The following RFC2 variants were observed in gnomAD, a reference collection of about 807,000 sequenced individuals.
The protein encoded by RFC2 is A1 40 kDa subunit.
In RFC2, 34 loss-of-function variants were observed where a neutral mutation model predicts 44.8. The observed-to-expected ratio is 0.76, with a 90% CI of 0.58 to 1.01. The LOEUF (loss-of-function observed/expected upper bound fraction) is 1.01, where lower values mean the gene tolerates loss of function less well. RFC2 is among the 50% of genes least tolerant of loss of function. The probability of loss-of-function intolerance (pLI) is 0.00; values close to 1 mark genes in which losing one functional copy is unlikely to be tolerated. For synonymous variants in RFC2, 177 were observed against 168.9 expected (o/e 1.05, Z -0.37); for missense variants, 400 against 453.6 (o/e 0.88, Z 1.07).
chr7:74,232,536 G>T (rs1484715426), intron 10 of RFC2, among the ~76,000 whole-genome samples: 13 of 152,164 alleles, frequency 8.5e-5, no homozygotes, highest in African/African-American at 3.1e-4. Flanking sequence ...ATCTGATAAA[G>T]AACTTGCATC....
chr7:74,245,272 G>A (rs1486776833), intron 5 of RFC2, among the ~76,000 whole-genome samples: 4 of 151,448 alleles, frequency 2.6e-5, no homozygotes, highest in East Asian at 3.9e-4. Context: ...CGCCTGCCTC[G>A]GCCTCCCAAA....
chr7:74,254,220 C>A, intron 1 of RFC2, 51 bp downstream of exon 1: 2 of 1,381,786 alleles, frequency 1.4e-6, no homozygotes, highest in Non-Finnish European at 2.0e-6. Context: ...GCCCGCCACT[C>A]GCCCACCCTC....
intron 5 of RFC2, 39 bp downstream of exon 5, chr7:74,246,623 A>C: frequency 1.5e-6 from 2 of 1,326,986 alleles, no homozygotes; most frequent in Non-Finnish European, 2.1e-6. Context: ...AAAGAGATTT[A>C]GAGATCAAGG....
Position 74,253,891 on chromosome 7 carries a change from C to T in RFC2, c.113+380G>A, listed in dbSNP as rs564420580. ...ATTTCAAATGTAAATGTTATTGAAC[C>T]TAACAGTCAAAATATTATTTTCAAC... On this transcript the variant is annotated intron_variant, in intron 1 of 10. Transcript: ENST00000055077. Among the ~76,000 whole-genome samples the T allele has an allele frequency of 2.0e-5, 3 of 152,226 alleles. No individual in the cohort carries two copies. In the East Asian group the frequency reaches 5.8e-4, roughly 29 times the overall value.
intron 3 of RFC2, 106 bp downstream of exon 3, chr7:74,249,633 T>C: frequency 1.1e-6 from 1 of 907,356 alleles, no homozygotes; most frequent in South Asian, 1.3e-5. Context: ...GCCGGGGGAA[T>C]GGGAAGGGGC....
At chr7:74,244,871 G>A (rs1225187072) in intron 5 of RFC2, among the ~76,000 whole-genome samples, 11 of 151,870 alleles carry the variant, frequency 7.2e-5, no homozygotes, top group African/African-American at 2.7e-4. Flanking sequence ...GGCTGAGGTG[G>A]AGGATCATTA....
chr7:74,246,398 C>CAA (rs58046761), intron 5 of RFC2, among the ~76,000 whole-genome samples: 31 of 58,190 alleles, frequency 5.3e-4, no homozygotes, highest in African/African-American at 1.4e-3. Context: ...AACTCCATCT[C>CAA]AAAAAAAAAA....
In RFC2 at chr7:74,243,129, C is replaced by T. The variant is rs201425950; in HGVS notation, c.535+17G>A. 1.1e-4 allele frequency: 175 copies of T among 1,579,156 alleles called. No individual in the cohort carries two copies. Among genetic ancestry groups the T allele is most frequent in the Non-Finnish European group, 1.3e-4 (152 of 1,148,646 alleles). On this transcript the variant is annotated intron_variant, in intron 6 of 10. Transcript: ENST00000055077. ...TGAGCACCACGTGGCCCCCAGCCACCGAAAGCTCCCACTCACCGATGATCT... is the reference window on the plus strand; with the variant it reads ...TGAGCACCACGTGGCCCCCAGCCACTGAAAGCTCCCACTCACCGATGATCT...
chr7:74,253,998 AAACC>A (rs1787129552), intron 1 of RFC2, among the ~76,000 whole-genome samples: 1 of 152,194 alleles, frequency 6.6e-6, no homozygotes. Flanking sequence ...ACTTTTGAAA[AAACC>A]AACTAGGTCA....
chr7:74,242,052 C>A (rs1315056567), intron 6 of RFC2, among the ~76,000 whole-genome samples: 5 of 152,154 alleles, frequency 3.3e-5, no homozygotes, highest in African/African-American at 1.2e-4. Flanking sequence ...CATGCAGAAG[C>A]AGACAGGCTG....
intron 2 of RFC2, among the ~76,000 whole-genome samples, chr7:74,251,837 C>T (rs1786977160): frequency 7.0e-6 from 1 of 142,802 alleles, no homozygotes; most frequent in East Asian, 2.1e-4. Flanking sequence ...GTGGTTCACG[C>T]CTGTAATCCC....
Position 74,235,585 on chromosome 7 carries a change from G to A in RFC2, c.901C>T (p.Arg301Ter), listed in dbSNP as rs1344563334. Residue 301 changes from arginine (R) to a stop codon, truncating the protein, a stop_gained, in exon 10 of 11, where the codon CGA becomes TGA. Transcript: ENST00000055077. LOFTEE classifies it high-confidence loss of function. ...GCCATTTGGAAAGTTTTACACACTCGAAAGATGTTGCCAATGATATCTTCT... is the reference window on the plus strand; with the variant it reads ...GCCATTTGGAAAGTTTTACACACTCAAAAGATGTTGCCAATGATATCTTCT... ...SPEDIIGNIFRVCKTFQMAEY... is the reference protein window; with the variant it reads ...SPEDIIGNIF 3 of 1,613,774 alleles carry A rather than the reference G, an allele frequency of 1.9e-6. No individual in the cohort carries two copies. The highest frequency in any genetic ancestry group is 1.7e-5 in the Admixed American group (1 of 60,000).
At position 74,252,295 on chromosome 7, in the gene RFC2, T is replaced by C. The variant is rs183694521; in HGVS notation, c.183+134A>G. ...GGTGGTGGGCACCTGTAGTCCCAGC[T>C]ACTGGGGAGGCTGAGGCAGGAGAAT... is the stretch of plus-strand genomic sequence containing the variant. On this transcript the variant is annotated intron_variant, in intron 2 of 10. Transcript: ENST00000055077. 1,749 of 556,982 alleles carry C rather than the reference T, an allele frequency of 3.1e-3. 56 individuals carry two copies. The Admixed American group carries it at 0.048, about 15-fold the overall frequency. The allele number at this position is 556,982 out of a possible 1,614,324, so 34.5% of individuals were successfully genotyped here.
rs1399741899 is a variant in RFC2, at chr7:74,237,452, G to A, written c.760-10C>T. ...GGGGCTCGTCACAGACCTGGCCAAA[G>A]GGAAAGGAAAGGCGGTCAGGGGCTA... On this transcript the variant is annotated splice_polypyrimidine_tract_variant and intron_variant, in intron 8 of 10. Transcript: ENST00000055077. 5 of 1,563,646 alleles carry A rather than the reference G, an allele frequency of 3.2e-6. No homozygotes were observed. The African/African-American group carries it at 4.0e-5, about 13-fold the overall frequency.
Position 74,235,651 on chromosome 7 carries a change from CA to C in RFC2, c.841-7del. ...TGCCACAAGTGAGCAAGAATCTAGACAAAGGAGACAGAAAAGGCTGCTTACC... is the reference window on the plus strand; with the variant it reads ...TGCCACAAGTGAGCAAGAATCTAGACAAGGAGACAGAAAAGGCTGCTTACC... On this transcript the variant is annotated splice_region_variant and splice_polypyrimidine_tract_variant and intron_variant, in intron 9 of 10. Coordinates refer to ENST00000055077, the MANE Select transcript of RFC2 (RefSeq NM_181471.3). 6.3e-7 allele frequency: 1 copy of C among 1,575,438 alleles called. No homozygotes were observed. Among genetic ancestry groups the C allele is most frequent in the Non-Finnish European group, 8.7e-7 (1 of 1,144,798 alleles).
chr7:74,249,867 G>T, intron 2 of RFC2, 87 bp from the exon 3 acceptor site: 1 of 1,183,088 alleles, frequency 8.5e-7, no homozygotes. Context: ...AAACAAGCAG[G>T]TTAAAACTCG....
In RFC2 at chr7:74,251,831, T is replaced by C. The variant is rs1371318858; in HGVS notation, c.183+598A>G. On this transcript the variant is annotated intron_variant, in intron 2 of 10. Transcript: ENST00000055077. ...AAAAAAAAAAGGCCGGGCGCGGTGGTTCACGCCTGTAATCCCAGCACTTTG... is the reference window on the plus strand; with the variant it reads ...AAAAAAAAAAGGCCGGGCGCGGTGGCTCACGCCTGTAATCCCAGCACTTTG... Among the ~76,000 whole-genome samples the C allele has an allele frequency of 2.9e-3, 278 of 96,458 alleles. 3 individuals are homozygous for C. The highest frequency in any genetic ancestry group is 8.7e-4 in the Non-Finnish European group (41 of 47,372). The allele number at this position is 96,458 out of a possible 152,430, so 63.3% of individuals were successfully genotyped here.
intron 7 of RFC2, 93 bp from the exon 8 acceptor site, chr7:74,239,081 TCG>T: frequency 9.8e-7 from 1 of 1,015,650 alleles, no homozygotes; most frequent in Non-Finnish European, 1.5e-6. Flanking sequence ...CAGGCTGGTC[TCG>T]AACTCCTGGG....
intron 5 of RFC2, among the ~76,000 whole-genome samples, chr7:74,245,861 G>C (rs997156770): frequency 6.6e-6 from 1 of 151,842 alleles, no homozygotes; most frequent in African/African-American, 2.4e-5. Flanking sequence ...AGGAGTTCGA[G>C]ACCAGCCTGG....
Sources: gnomAD v4.1 joint callset for allele counts (sites outside exome capture counted in the v4.1 genomes callset) on GRCh38, gnomAD v4.1.1 for gene constraint, MANE v1.5 for transcripts, NCBI Gene and HGNC (gene_info 2026-07-23, HGNC 2026-07-21) for gene names.